The following TCTN1 variants were observed in gnomAD, a reference collection of about 807,000 sequenced individuals.
The protein encoded by TCTN1 is tectonic family member 1.
Under a neutral mutation model 65.8 loss-of-function variants are expected in TCTN1, and 58 were observed. The observed-to-expected ratio is 0.88, with a 90% CI of 0.71 to 1.10. The LOEUF is 1.10. Among genes scored for constraint, TCTN1 ranks in the 50% least tolerant of loss-of-function variants. The pLI is 0.00. For synonymous variants in TCTN1, 273 were observed against 289.1 expected (o/e 0.94, Z 0.57); for missense variants, 645 against 719.4 (o/e 0.90, Z 1.18).
At chr12:110,647,470 G>GTCAT in intron 13 of TCTN1, 134 bp downstream of exon 13, 1 of 1,256,452 alleles carries the variant, frequency 8.0e-7, no homozygotes, top group Non-Finnish European at 1.1e-6. Context: ...TATTTCAGCA[G>GTCAT]TCATTCTTAG....
intron 5 of TCTN1, chr12:110,634,403 G>C (rs756536298): frequency 1.9e-6 from 1 of 518,822 alleles, no homozygotes; most frequent in Non-Finnish European, 3.7e-6. Context: ...TAGGCCAGGC[G>C]TACTGGTTCA....
intron 4 of TCTN1, among the ~76,000 whole-genome samples, chr12:110,631,677 A>G (rs2066246364): frequency 6.6e-6 from 1 of 152,174 alleles, no homozygotes; most frequent in Non-Finnish European, 1.5e-5. Flanking sequence ...TTTTCTGTGT[A>G]TGTATCTGAG....
chr12:110,626,763 GTTTT>G (rs1236209029), intron 3 of TCTN1, among the ~76,000 whole-genome samples: 4 of 89,928 alleles, frequency 4.4e-5, no homozygotes, highest in Non-Finnish European at 8.7e-5. Context: ...TGTGTGCGTG[GTTTT>G]TTTTTTTTTT....
At chr12:110,619,734 G>T in intron 1 of TCTN1, 102 bp from the exon 2 acceptor site, 2 of 1,578,226 alleles carry the variant, frequency 1.3e-6, no homozygotes, top group African/African-American at 1.3e-5. Context: ...AAATAAAATG[G>T]ATCTTTTTTA....
chr12:110,628,133 G>T, intron 3 of TCTN1: 4 of 1,536,066 alleles, frequency 2.6e-6, no homozygotes, highest in Non-Finnish European at 3.5e-6. Context: ...TCCGGAGAGA[G>T]CTTCTCCTTA....
At chr12:110,629,284 G>T (rs554275747) in intron 4 of TCTN1, 62 of 298,410 alleles carry the variant, frequency 2.1e-4, no homozygotes, top group Admixed American at 1.0e-3. Context: ...CACAGCAAAA[G>T]AAACTATCAT....
rs1293128182 is a variant in TCTN1 at position 110,628,796 on chromosome 12, G to A, written c.502G>A (p.Glu168Lys). ...ACCTGCATTATCCTTTATTAATCCA[G>A]AAGTACCTGATGAAAACAATTTTGA... ...YKPALSFINP[E>K]VPDENNFDTL... Residue 168 changes from glutamate (E) to lysine (K), a missense_variant, in exon 4 of 15, where the codon GAA becomes AAA. By Grantham distance (56) the Glu-to-Lys change is moderately conservative (BLOSUM62 1). Coordinates refer to ENST00000397659, the MANE Select transcript of TCTN1 (RefSeq NM_001082538.3). 1 of 1,609,244 alleles carries A rather than the reference G, an allele frequency of 6.2e-7. No homozygotes were observed. The highest frequency in any genetic ancestry group is 1.1e-5 in the South Asian group (1 of 90,962).
chr12:110,628,405 A>T (rs553934388), intron 3 of TCTN1, among the ~76,000 whole-genome samples: 1 of 147,160 alleles, frequency 6.8e-6, no homozygotes. Flanking sequence ...CAGTGGCGCT[A>T]TCTCAGCTCA....
At chr12:110,623,604 A>G (rs1160658675) in intron 2 of TCTN1, among the ~76,000 whole-genome samples, 2 of 152,216 alleles carry the variant, frequency 1.3e-5, no homozygotes, top group Non-Finnish European at 2.9e-5. Context: ...GGTTGTCATT[A>G]TAGCATTACA....
Position 110,649,399 on chromosome 12 carries a change from C to G in TCTN1, c.*358C>G. On this transcript the variant is annotated 3_prime_UTR_variant, in exon 15 of 15. Transcript: ENST00000397659. Reference sequence around the variant, plus strand: ...GACAGTGTCTTCTTTTTGAGGGGAGCTGGTCCGGGTCTAGTTCACTTCACC... The same window carrying G: ...GACAGTGTCTTCTTTTTGAGGGGAGGTGGTCCGGGTCTAGTTCACTTCACC... The G allele has an allele frequency of 6.2e-7, 1 of 1,603,384 alleles. No individual in the cohort carries two copies. Among genetic ancestry groups the G allele is most frequent in the Non-Finnish European group, 8.5e-7 (1 of 1,172,146 alleles).
chr12:110,625,377 C>T (rs1383978942), intron 2 of TCTN1, among the ~76,000 whole-genome samples: 1 of 152,148 alleles, frequency 6.6e-6, no homozygotes, highest in African/African-American at 2.4e-5. Flanking sequence ...TGCATCTTAA[C>T]CTCCTGAGTA....
At chr12:110,635,462 A>T (rs1031738708) in intron 6 of TCTN1, among the ~76,000 whole-genome samples, 2 of 151,146 alleles carry the variant, frequency 1.3e-5, no homozygotes, top group Non-Finnish European at 3.0e-5. Flanking sequence ...AAAAAATAAT[A>T]AAAAAAAACC....
intron 3 of TCTN1, chr12:110,628,189 A>G (rs1299718061): frequency 1.3e-6 from 2 of 1,536,002 alleles, no homozygotes; most frequent in Non-Finnish European, 8.7e-7. Flanking sequence ...AGAGAAATAG[A>G]CGGATTATTA....
rs1565944960 is a variant in TCTN1, at chr12:110,614,326, C to G, written c.144C>G (p.Phe48Leu). 1.2e-6 allele frequency: 2 copies of G among 1,605,832 alleles called. No individual in the cohort carries two copies. The highest frequency in any genetic ancestry group is 1.7e-6 in the Non-Finnish European group (2 of 1,176,992). Residue 48 changes from phenylalanine (F) to leucine (L), a missense_variant, in exon 1 of 15, where the codon TTC (phenylalanine) becomes TTG (leucine). Physicochemically the swap from Phe to Leu is conservative, Grantham distance 22 (BLOSUM62 0). Coordinates refer to ENST00000397659, the MANE Select transcript of TCTN1 (RefSeq NM_001082538.3). The stretch of plus-strand genomic sequence containing the variant: ...CAGCCCTGGCCACCTTCGGAACTTT[C>G]CCGTCGACCAGGCCCCCCGGGACTC... ...TEAALATFGT[F>L]PSTRPPGTPR...
chr12:110,614,345 G>A lies in TCTN1; in HGVS notation c.163G>A (p.Gly55Arg), dbSNP rs554786534. 5.6e-6 allele frequency: 9 copies of A among 1,606,658 alleles called. No individual in the cohort carries two copies. In the African/African-American group the frequency reaches 9.3e-5, roughly 17 times the overall value. ...FGTFPSTRPP[G>R]TPRAPGPSSG... ...AACTTTCCCGTCGACCAGGCCCCCC[G>A]GGACTCCCAGGGCTCCAGGGCCCTC... Residue 55 changes from glycine to arginine, a missense_variant, in exon 1 of 15, where the codon GGG (glycine) becomes AGG (arginine). Transcript: ENST00000397659.
At chr12:110,643,785 G>A (rs1294285840) in intron 11 of TCTN1, 2 of 152,122 alleles carry the variant, frequency 1.3e-5, no homozygotes, top group Admixed American at 6.6e-5. Flanking sequence ...CAATCCTCCT[G>A]CTTCAGCCTC....
At chr12:110,614,524 G>C (rs2064900838) in intron 1 of TCTN1, 122 bp downstream of exon 1, 15 of 1,522,314 alleles carry the variant, frequency 9.9e-6, no homozygotes, top group Non-Finnish European at 1.3e-5. Flanking sequence ...AGACACTGCT[G>C]AGTGTTCCAT....
chr12:110,627,825 A>C, intron 3 of TCTN1: 1 of 598,566 alleles, frequency 1.7e-6, no homozygotes, highest in Admixed American at 3.0e-5. Context: ...TGTTATCAGG[A>C]TATCAAAGAT....
At chr12:110,628,583 C>A (rs867665776) in intron 3 of TCTN1, among the ~76,000 whole-genome samples, 184 bp from the exon 4 acceptor site, 2 of 152,178 alleles carry the variant, frequency 1.3e-5, no homozygotes, top group African/African-American at 4.8e-5. Context: ...TCAGGCAGTC[C>A]GCCCGCCTTG....
Sources: allele counts gnomAD v4.1 joint callset (sites outside exome capture counted in the v4.1 genomes callset), GRCh38; gene constraint gnomAD v4.1.1; transcripts MANE v1.5; gene names NCBI Gene and HGNC (gene_info 2026-07-23, HGNC 2026-07-21).